Variants in PALM observed in about 807,000 individuals in gnomAD.
PALM encodes paralemmin-1.
A neutral mutation model predicts 30.7 loss-of-function variants in PALM; 18 were observed. The observed-to-expected ratio is 0.59, with a 90% CI of 0.41 to 0.87. The LOEUF (loss-of-function observed/expected upper bound fraction) is 0.87. PALM is among the 40% of genes least tolerant of loss of function. The pLI, the probability that PALM is intolerant of heterozygous loss-of-function variation, is 0.00. For synonymous variants in PALM, 286 were observed against 242.8 expected (o/e 1.18, Z -1.66); for missense variants, 529 against 555.4 (o/e 0.95, Z 0.48).
chr19:728,103 C>G (rs929016056), intron 4 of PALM, among the ~76,000 whole-genome samples: 1 of 152,198 alleles, frequency 6.6e-6, no homozygotes, highest in Non-Finnish European at 1.5e-5. Flanking sequence ...GGCGCCAGCC[C>G]AGCTGGCGGG....
chr19:726,957 G>GGGGGGGGC, intron 2 of PALM, 51 bp from the exon 3 acceptor site: 1 of 1,109,142 alleles, frequency 9.0e-7, no homozygotes, highest in Non-Finnish European at 1.3e-6. Flanking sequence ...GGGTGGGGGG[G>GGGGGGGGC]TCTCCGGGAC....
At chr19:713,966 G>A (rs2144844556) in intron 1 of PALM, among the ~76,000 whole-genome samples, 1 of 150,250 alleles carries the variant, frequency 6.7e-6, no homozygotes, top group African/African-American at 2.5e-5. Flanking sequence ...GTGCAGTGGG[G>A]TGATCTCGGC....
chr19:738,420 G>A (rs985621769), intron 7 of PALM, among the ~76,000 whole-genome samples: 5 of 152,214 alleles, frequency 3.3e-5, no homozygotes, highest in African/African-American at 1.2e-4. Flanking sequence ...CAGCTGCTCG[G>A]GAGCCTTAGG....
At chr19:740,538 G>C (rs866074777) in intron 8 of PALM, 55 bp downstream of exon 8, 1 of 1,491,636 alleles carries the variant, frequency 6.7e-7, no homozygotes, top group Middle Eastern at 1.7e-4. Context: ...CCCCGAACAC[G>C]TGTGCTCCCA....
In PALM at chr19:726,120, C is replaced by T. The variant is rs2032652721; in HGVS notation, c.6-18C>T. Reference sequence around the variant, plus strand: ...AGGGCTCAGTGAACCAGAGCTTGACCTTATCTCCCTCCCGCAGGGTCCTGG... The same window carrying T: ...AGGGCTCAGTGAACCAGAGCTTGACTTTATCTCCCTCCCGCAGGGTCCTGG... On this transcript the variant is annotated intron_variant, in intron 1 of 8. Coordinates refer to ENST00000338448, the MANE Select transcript of PALM (RefSeq NM_002579.3). The T allele has an allele frequency of 2.5e-6, 4 of 1,608,486 alleles. No homozygotes were observed. Among genetic ancestry groups the T allele is most frequent in the Non-Finnish European group, 3.4e-6 (4 of 1,175,362 alleles).
At chr19:726,927 C>A (rs1345403609) in intron 2 of PALM, 81 bp from the exon 3 acceptor site, 2 of 823,340 alleles carry the variant, frequency 2.4e-6, no homozygotes, top group Non-Finnish European at 3.9e-6. Context: ...CAGGATCGGG[C>A]TGGGCAGAGC....
In PALM at chr19:747,100, C is replaced by A; in HGVS notation, c.*286C>A. On this transcript the variant is annotated 3_prime_UTR_variant, in exon 9 of 9. Coordinates refer to ENST00000338448, the MANE Select transcript of PALM (RefSeq NM_002579.3). ...ACAAGGACCCCCCATGTCACGGCAG[C>A]TTCACAGACGCGGCTCGCGCCCACC... 1 of 381,422 alleles carries A rather than the reference C, an allele frequency of 2.6e-6. No individual in the cohort carries two copies. The highest frequency in any genetic ancestry group is 4.8e-6 in the Non-Finnish European group (1 of 210,226). 23.6% of individuals were successfully genotyped at this position (381,422 alleles called of 1,614,324 possible). A position where few individuals can be genotyped will look rare whatever the true frequency, so the allele number is the denominator to read the frequency against.
chr19:715,255 G>C (rs1293003367), intron 1 of PALM, among the ~76,000 whole-genome samples: 1 of 152,068 alleles, frequency 6.6e-6, no homozygotes, highest in African/African-American at 2.4e-5. Context: ...GTGACAGACA[G>C]AGCGAGACTC....
chr19:718,487 G>A (rs564675336), intron 1 of PALM, among the ~76,000 whole-genome samples: 7 of 152,290 alleles, frequency 4.6e-5, no homozygotes, highest in South Asian at 4.1e-4. Context: ...GAAAGCCAGG[G>A]AAGGCCCCGT....
At position 719,124 on chromosome 19, in the gene PALM, G is replaced by A. The variant is rs2032367843; in HGVS notation, c.6-7014G>A. 4 of 985,244 alleles carry A rather than the reference G, an allele frequency of 4.1e-6. No individual in the cohort carries two copies. The South Asian group carries it at 1.9e-4, about 46-fold the overall frequency. The allele number at this position is 985,244 out of a possible 1,614,324, so 61.0% of individuals were successfully genotyped here. A position where few individuals can be genotyped will look rare whatever the true frequency, so the allele number is the denominator to read the frequency against. The stretch of plus-strand genomic sequence containing the variant: ...CGGCGCTGGGCTCGGCGCCTGCCCG[G>A]GCAGGGACCCCCTCGTTCTGGCTGG... On this transcript the variant is annotated intron_variant, in intron 1 of 8. Transcript: ENST00000338448.
Position 731,482 on chromosome 19 carries a change from CCGCTGGGGG to C in PALM, c.420+239_420+247del, listed in dbSNP as rs2032872896. Among the ~76,000 whole-genome samples the C allele has an allele frequency of 1.1e-4, 16 of 152,050 alleles. 1 individual carries two copies. The highest frequency in any genetic ancestry group is 8.5e-4 in the Admixed American group (13 of 15,270). ...GATGGGGGAGTAATCAGAGCAGCCA[CCGCTGGGGG>C]CATCAGAAGGACTCAGGGAAGCAGG... is the stretch of plus-strand genomic sequence containing the variant. On this transcript the variant is annotated intron_variant, in intron 5 of 8. Coordinates refer to ENST00000338448, the MANE Select transcript of PALM (RefSeq NM_002579.3).
At chr19:713,773 G>C (rs947844223) in intron 1 of PALM, among the ~76,000 whole-genome samples, 3 of 152,082 alleles carry the variant, frequency 2.0e-5, no homozygotes, top group Admixed American at 2.0e-4. Flanking sequence ...GTAGAGACGG[G>C]GTTTCACCAT....
intron 7 of PALM, among the ~76,000 whole-genome samples, chr19:738,229 A>G (rs1055239001): frequency 1.3e-5 from 2 of 151,962 alleles, no homozygotes; most frequent in South Asian, 2.1e-4. Context: ...CGTCTCTACT[A>G]AAAAATAGAA....
intron 8 of PALM, among the ~76,000 whole-genome samples, chr19:740,998 G>A (rs974639377): frequency 2.0e-5 from 3 of 151,464 alleles, no homozygotes; most frequent in Non-Finnish European, 2.9e-5. Context: ...AATTACCCTG[G>A]CATGGTGGTG....
chr19:723,875 C>T (rs992329099), intron 1 of PALM, among the ~76,000 whole-genome samples: 1 of 152,108 alleles, frequency 6.6e-6, no homozygotes, highest in Non-Finnish European at 1.5e-5. Context: ...GGATTACAGG[C>T]GTGAGCCACC....
At chr19:711,320 T>G in intron 1 of PALM, 1 of 420,752 alleles carries the variant, frequency 2.4e-6, no homozygotes, top group Non-Finnish European at 3.2e-6. Context: ...ATAAAGATAT[T>G]TTGGCCTGGA....
intron 5 of PALM, among the ~76,000 whole-genome samples, chr19:732,061 C>T (rs542705994): frequency 2.6e-5 from 4 of 152,210 alleles, no homozygotes; most frequent in African/African-American, 4.8e-5. Flanking sequence ...ACTGCAGCCT[C>T]GACTTCCCCA....
At chr19:712,007 T>C (rs2032095415) in intron 1 of PALM, among the ~76,000 whole-genome samples, 1 of 149,070 alleles carries the variant, frequency 6.7e-6, no homozygotes, top group African/African-American at 2.5e-5. Flanking sequence ...TCTGTATGTG[T>C]GTGAATTCCT....
rs569593195 is a variant in PALM, at chr19:714,919, C to T, written c.5+5768C>T. Among the ~76,000 whole-genome samples the T allele has an allele frequency of 4.6e-5, 7 of 152,224 alleles. No homozygotes were observed. In the East Asian group the frequency reaches 5.8e-4, roughly 13 times the overall value. Reference sequence around the variant, plus strand: ...ATCCTCCCACCTCAGCCTCCCAAAGCGCTGGGAGTACACACATGTGAGCCA... The same window carrying T: ...ATCCTCCCACCTCAGCCTCCCAAAGTGCTGGGAGTACACACATGTGAGCCA... On this transcript the variant is annotated intron_variant, in intron 1 of 8. Transcript: ENST00000338448.
Sources: gnomAD v4.1 joint callset for allele counts (sites outside exome capture counted in the v4.1 genomes callset) on GRCh38, gnomAD v4.1.1 for gene constraint, MANE v1.5 for transcripts, NCBI Gene and HGNC (gene_info 2026-07-23, HGNC 2026-07-21) for gene names.